Variants in HDAC9 observed in about 807,000 individuals in gnomAD.
HDAC9 encodes the protein MEF-2 interacting transcription repressor (MITR) protein.
HDAC9 carries 41 observed loss-of-function variants against 139.4 expected under a neutral mutation model. The ratio of observed to expected loss-of-function variants is 0.29; its 90% CI spans 0.23 to 0.38. The LOEUF (loss-of-function observed/expected upper bound fraction) is 0.38. Among genes scored for constraint, HDAC9 ranks in the 10% least tolerant of loss-of-function variants. The pLI is 1.00. For synonymous variants in HDAC9, 517 were observed against 476.2 expected, an observed-to-expected ratio of 1.09 and a Z score of -1.12; for missense variants, 1,147 against 1,297.0, an observed-to-expected ratio of 0.88 and a Z score of 1.78.
intron 1 of HDAC9, among the ~76,000 whole-genome samples, chr7:18,147,385 T>C (rs900930108): frequency 4.6e-5 from 7 of 152,282 alleles, no homozygotes; most frequent in African/African-American, 1.7e-4. Flanking sequence ...GATGTTTGCT[T>C]TTAGGTATTT....
At chr7:18,690,137 C>G (rs947952144) in intron 12 of HDAC9, among the ~76,000 whole-genome samples, 21 of 151,880 alleles carry the variant, frequency 1.4e-4, no homozygotes, top group African/African-American at 5.1e-4. Flanking sequence ...TCTCTCAACC[C>G]TTTTTGCAAG....
intron 23 of HDAC9, among the ~76,000 whole-genome samples, chr7:18,947,744 A>G (rs1199835407): frequency 6.6e-6 from 1 of 152,030 alleles, no homozygotes; most frequent in African/African-American, 2.4e-5. Flanking sequence ...AATCCATCAC[A>G]AATAATTTTT....
At chr7:18,885,019 T>C (rs1477979075) in intron 22 of HDAC9, among the ~76,000 whole-genome samples, 3 of 152,240 alleles carry the variant, frequency 2.0e-5, no homozygotes, top group African/African-American at 7.2e-5. Flanking sequence ...TCAAAAGTCA[T>C]GCAGTAGATA....
intron 1 of HDAC9, among the ~76,000 whole-genome samples, chr7:18,129,689 C>CA (rs1260741188): frequency 2.0e-5 from 3 of 152,162 alleles, no homozygotes; most frequent in African/African-American, 7.2e-5. Flanking sequence ...CTCATTCATT[C>CA]TTAATCCATT....
intron 2 of HDAC9, among the ~76,000 whole-genome samples, chr7:18,252,049 A>G (rs1794947200): frequency 6.6e-6 from 1 of 152,340 alleles, no homozygotes; most frequent in Non-Finnish European, 1.5e-5. Flanking sequence ...TTTAAATGTC[A>G]GTAAGCTAGT....
At chr7:18,606,645 C>G (rs1224718515) in intron 6 of HDAC9, among the ~76,000 whole-genome samples, 1 of 152,068 alleles carries the variant, frequency 6.6e-6, no homozygotes, top group Admixed American at 6.5e-5. Flanking sequence ...TGACCTGTAT[C>G]AAATTAGAAA....
chr7:18,584,096 C>CTGTGAGTT (rs1828681952), intron 2 of HDAC9, among the ~76,000 whole-genome samples: 1 of 149,008 alleles, frequency 6.7e-6, no homozygotes, highest in Non-Finnish European at 1.5e-5. Flanking sequence ...GATATCCTGT[C>CTGTGAGTT]TGTGAGTTTT....
upstream of HDAC9, among the ~76,000 whole-genome samples, chr7:18,491,495 T>C (rs190755764): frequency 2.6e-5 from 4 of 152,068 alleles, no homozygotes; most frequent in Admixed American, 2.6e-4. Flanking sequence ...AATTTCCGGA[T>C]GAAGAAGCTA....
rs193266737 is a variant in HDAC9, at chr7:18,829,118, C to G, written c.2323-43C>G. 3.3e-4 allele frequency: 467 copies of G among 1,415,620 alleles called. 2 individuals carry two copies. In the African/African-American group the frequency reaches 5.9e-3, roughly 18 times the overall value. The allele number at this position is 1,415,620 out of a possible 1,614,324, so 87.7% of individuals were successfully genotyped here. On this transcript the variant is annotated intron_variant, in intron 17 of 25. Coordinates refer to ENST00000686413, the MANE Select transcript of HDAC9 (RefSeq NM_178425.4). ...ATCCAAGCAATCCCTCTCCTACCCT[C>G]TCCATTATATCTGACCATTGAAAAC...
intron 1 of HDAC9, among the ~76,000 whole-genome samples, chr7:18,116,667 A>G (rs1055840760): frequency 6.6e-6 from 1 of 152,134 alleles, no homozygotes; most frequent in African/African-American, 2.4e-5. Context: ...CAAATAATAG[A>G]GTTGATTTAA....
At chr7:18,729,698 T>C in intron 13 of HDAC9, among the ~76,000 whole-genome samples, 1 of 152,096 alleles carries the variant, frequency 6.6e-6, no homozygotes, top group East Asian at 1.9e-4. Flanking sequence ...CCTCATAATG[T>C]CAACATTTTA....
At chr7:18,677,328 T>G (rs527521011) in intron 12 of HDAC9, among the ~76,000 whole-genome samples, 18 of 152,006 alleles carry the variant, frequency 1.2e-4, no homozygotes, top group African/African-American at 4.1e-4. Context: ...ATGGTCCTGT[T>G]TATTGCTGAA....
At chr7:18,130,675 C>G (rs1025544661) in intron 1 of HDAC9, among the ~76,000 whole-genome samples, 10 of 152,052 alleles carry the variant, frequency 6.6e-5, no homozygotes, top group African/African-American at 2.4e-4. Flanking sequence ...TTCCCGATGC[C>G]CTAGGAAACC....
At chr7:18,921,423 G>A (rs1408164372) in intron 22 of HDAC9, among the ~76,000 whole-genome samples, 3 of 152,170 alleles carry the variant, frequency 2.0e-5, no homozygotes, top group East Asian at 1.9e-4. Context: ...TGAAGGATAT[G>A]AACAGACACT....
At chr7:18,862,942 C>G (rs972752349) in intron 21 of HDAC9, among the ~76,000 whole-genome samples, 1 of 152,022 alleles carries the variant, frequency 6.6e-6, no homozygotes, top group Non-Finnish European at 1.5e-5. Flanking sequence ...CAATTTTTTC[C>G]TTTTCTCCTC....
intron 1 of HDAC9, among the ~76,000 whole-genome samples, chr7:18,335,802 C>A (rs1308890647): frequency 6.6e-6 from 1 of 151,514 alleles, no homozygotes; most frequent in Non-Finnish European, 1.5e-5. Flanking sequence ...GTCAGCAGAA[C>A]TGATGAGTGA....
At chr7:18,995,795 C>G (rs1482620097) in intron 25 of HDAC9, among the ~76,000 whole-genome samples, 1 of 152,112 alleles carries the variant, frequency 6.6e-6, no homozygotes, top group Admixed American at 6.5e-5. Context: ...AATATTCTGA[C>G]ATGTTTTAAT....
At position 18,975,912 on chromosome 7, in the gene HDAC9, A is replaced by G; in HGVS notation, c.3129A>G (p.Leu1043=). Residue 1043 remains leucine (L), a synonymous_variant, in exon 25 of 26, where the codon CTA becomes CTG. Coordinates refer to ENST00000686413, the MANE Select transcript of HDAC9 (RefSeq NM_178425.4). ...ETETVSALAS[L]TVDVEQPFAQ... is the part of the protein sequence containing the mutation. ...AGACCGTTTCTGCCCTGGCCTCCCT[A>G]ACAGTGGATGTGGAACAGCCCTTTG... 1 of 1,613,882 alleles carries G rather than the reference A, an allele frequency of 6.2e-7. No individual in the cohort carries two copies. Among genetic ancestry groups the G allele is most frequent in the Non-Finnish European group, 8.5e-7 (1 of 1,179,842 alleles).
intron 1 of HDAC9, among the ~76,000 whole-genome samples, chr7:18,345,682 A>G (rs1019705577): frequency 2.6e-5 from 4 of 151,812 alleles, no homozygotes; most frequent in African/African-American, 9.7e-5. Context: ...TCACAGGTGG[A>G]TGAGAATTCA....
Sources: allele counts gnomAD v4.1 joint callset (sites outside exome capture counted in the v4.1 genomes callset), GRCh38; gene constraint gnomAD v4.1.1; transcripts MANE v1.5; gene names NCBI Gene and HGNC (gene_info 2026-07-23, HGNC 2026-07-21).